The following ARHGAP36 variants were observed in gnomAD, a reference collection of about 807,000 sequenced individuals.
The protein encoded by ARHGAP36 is rho GTPase-activating protein 36.
Under a neutral mutation model 32.9 loss-of-function variants are expected in ARHGAP36, and 7 were observed. The ratio of observed to expected loss-of-function variants is 0.21; its 90% CI spans 0.12 to 0.40. The LOEUF is 0.40. Among genes scored for constraint, ARHGAP36 ranks in the 10% least tolerant of loss-of-function variants. The pLI is 1.00. For synonymous variants in ARHGAP36, 165 were observed against 168.3 expected, an observed-to-expected ratio of 0.98 and a Z score of 0.15; for missense variants, 383 against 442.2, an observed-to-expected ratio of 0.87 and a Z score of 1.20.
chrX:131,078,626 T>C (rs1466072745), intron 1 of ARHGAP36: 7 of 548,999 alleles, frequency 1.3e-5, no homozygotes, highest in Middle Eastern at 4.3e-4. Flanking sequence ...GCCTCTCTCA[T>C]AGTGCGAAAG....
At chrX:131,062,116 C>T (rs1206520049) in intron 1 of ARHGAP36, among the ~76,000 whole-genome samples, 1 of 111,873 alleles carries the variant, frequency 8.9e-6, no homozygotes, top group Non-Finnish European at 1.9e-5. Context: ...TGATATATCC[C>T]CTTATTAGAT....
rs941461541 is a variant in ARHGAP36 at position 131,081,911 on chromosome X, T to C, written c.246T>C (p.Pro82=). 8.3e-7 allele frequency: 1 copy of C among 1,209,703 alleles called. No individual in the cohort carries two copies. Among genetic ancestry groups the C allele is most frequent in the African/African-American group, 1.7e-5 (1 of 57,169 alleles). Residue 82 remains proline (P), a synonymous_variant, in exon 2 of 12, where the codon CCT becomes CCC. Transcript: ENST00000276211. ...VARHFLSEFK[P]DRALPIDRPN... ...GACATTTCCTCTCCGAATTCAAACCTGACAGAGGTAAGCTGTACCCCGGAT... is the reference window on the plus strand; with the variant it reads ...GACATTTCCTCTCCGAATTCAAACCCGACAGAGGTAAGCTGTACCCCGGAT...
intron 1 of ARHGAP36, chrX:131,078,752 C>G: frequency 3.1e-6 from 3 of 981,240 alleles, no homozygotes. Flanking sequence ...AGGTTGAAAG[C>G]AAGTAAGGCA....
chrX:131,080,737 T>G (rs760805942), intron 1 of ARHGAP36, among the ~76,000 whole-genome samples: 2 of 112,652 alleles, frequency 1.8e-5, no homozygotes, highest in African/African-American at 6.4e-5. Flanking sequence ...GTTTGTTGGT[T>G]TTGGTACAAA....
chrX:131,068,174 G>A (rs1397534226), intron 1 of ARHGAP36, among the ~76,000 whole-genome samples: 1 of 111,582 alleles, frequency 9.0e-6, no homozygotes, highest in Non-Finnish European at 1.9e-5. Context: ...AACGTGCTCC[G>A]CGCACACACC....
intron 1 of ARHGAP36, among the ~76,000 whole-genome samples, chrX:131,071,166 C>CAG (rs112542239): frequency 0.031 from 3,255 of 106,297 alleles, 135 homozygotes; most frequent in African/African-American, 0.1. Flanking sequence ...AGAGAGAAGA[C>CAG]AGAGAGAGAG....
rs755258357 is a variant in ARHGAP36 at position 131,086,635 on chromosome X, G to A, written c.1456G>A (p.Val486Ile). The A allele has an allele frequency of 1.7e-5, 21 of 1,210,293 alleles. No homozygotes were observed. The highest frequency in any genetic ancestry group is 2.3e-4 in the Middle Eastern group (1 of 4,375). Residue 486 changes from valine (V) to isoleucine (I), a missense_variant, in exon 11 of 12, where the codon GTC becomes ATC. This residue lies in a region of ARHGAP36 where 227 missense variants were observed against 311.3 expected (regional missense o/e 0.73). Coordinates refer to ENST00000276211, the MANE Select transcript of ARHGAP36 (RefSeq NM_144967.4). ...AACCTCTGCTGAAGCCCGGGCTGCT[G>A]TCCTTGCTCAAAGCAAGCCTTCTGA... ...VETSAEARAA[V>I]LAQSKPSDEG...
rs764918160 is a variant in ARHGAP36 at position 131,081,827 on chromosome X, C to T, written c.162C>T (p.Ser54=). ...GGACGAAGATGGTATCGATACACAG[C>T]CTCTCTGAGCTGGAGCGTCTGAAGC... ...DRRTKMVSIH[S]LSELERLKLQ... The change falls in exon 2 of 12, where the codon AGC becomes AGT. Residue 54 remains serine (S), a synonymous_variant. Coordinates refer to ENST00000276211, the MANE Select transcript of ARHGAP36 (RefSeq NM_144967.4). 3.1e-5 allele frequency: 38 copies of T among 1,210,571 alleles called. No homozygotes were observed. Among genetic ancestry groups the T allele is most frequent in the Non-Finnish European group, 4.2e-5 (38 of 895,378 alleles).
At chrX:131,067,948 G>A (rs959888417) in intron 1 of ARHGAP36, among the ~76,000 whole-genome samples, 21 of 110,661 alleles carry the variant, frequency 1.9e-4, no homozygotes, top group African/African-American at 6.9e-4. Flanking sequence ...AAGCTTCAAC[G>A]GGCACACACA....
At chrX:131,067,176 C>T (rs773398877) in intron 1 of ARHGAP36, among the ~76,000 whole-genome samples, 20 of 112,082 alleles carry the variant, frequency 1.8e-4, no homozygotes, top group Non-Finnish European at 3.6e-4. Context: ...GTCACAAGGC[C>T]CAAGGGGAAA....
Position 131,081,653 on chromosome X carries a change from A to G in ARHGAP36, c.-13A>G, listed in dbSNP as rs1234303023. The G allele has an allele frequency of 8.4e-7, 1 of 1,195,158 alleles. No homozygotes were observed. Among genetic ancestry groups the G allele is most frequent in the East Asian group, 3.0e-5 (1 of 32,857 alleles). ...ATTGGATGATGCAGCCTTGATAATC[A>G]TCCGATTCCAGAATGGGTGGCTGCA... On this transcript the variant is annotated 5_prime_UTR_variant, in exon 2 of 12. Transcript: ENST00000276211.
chrX:131,078,661 A>T, intron 1 of ARHGAP36: 2 of 452,653 alleles, frequency 4.4e-6, no homozygotes, highest in Non-Finnish European at 6.8e-6. Flanking sequence ...CCCCCTCCCC[A>T]CCCCACCCAT....
chrX:131,078,666 A>AC, intron 1 of ARHGAP36: 12 of 572,707 alleles, frequency 2.1e-5, no homozygotes, highest in Non-Finnish European at 2.8e-5. Context: ...TCCCCACCCC[A>AC]CCCATCTGCT....
At chrX:131,064,324 G>A (rs2079685797) in intron 1 of ARHGAP36, among the ~76,000 whole-genome samples, 1 of 111,124 alleles carries the variant, frequency 9.0e-6, no homozygotes, top group Non-Finnish European at 1.9e-5. Context: ...CAGTTCTTCC[G>A]GGGCTGCATT....
chrX:131,076,151 G>A (rs181558488), intron 1 of ARHGAP36, among the ~76,000 whole-genome samples: 107 of 111,985 alleles, frequency 9.6e-4, no homozygotes, highest in Admixed American at 2.9e-3. Context: ...GAGATAATGG[G>A]CATATGGAAA....
At chrX:131,079,562 G>GTTTTTTTTTTTTTT (rs11417328) in intron 1 of ARHGAP36, among the ~76,000 whole-genome samples, 1 of 93,137 alleles carries the variant, frequency 1.1e-5, no homozygotes. Context: ...TTTGTTTTTT[G>GTTTTTTTTTTTTTT]TTTTTTTTTT....
Position 131,083,945 on chromosome X carries a change from G to C in ARHGAP36, c.531G>C (p.Arg177=). ...GGCGGAATGAGCCCACCTTGCCCCG[G>C]GAGTTCACTCGCCGTGGGCGTCGAG... The part of the protein sequence containing the change: ...SRRRNEPTLP[R]EFTRRGRRGA... Residue 177 remains arginine, a synonymous_variant, in exon 4 of 12, where the codon CGG becomes CGC. Coordinates refer to ENST00000276211, the MANE Select transcript of ARHGAP36 (RefSeq NM_144967.4). 1 of 1,211,658 alleles carries C rather than the reference G, an allele frequency of 8.3e-7. No homozygotes were observed. The highest frequency in any genetic ancestry group is 1.1e-6 in the Non-Finnish European group (1 of 895,526).
chrX:131,061,119 T>C (rs1240124171), intron 1 of ARHGAP36, among the ~76,000 whole-genome samples: 1 of 110,119 alleles, frequency 9.1e-6, no homozygotes, highest in Non-Finnish European at 1.9e-5. Flanking sequence ...ATAGCTGGCA[T>C]GTGACAGCAA....
intron 1 of ARHGAP36, among the ~76,000 whole-genome samples, chrX:131,063,640 A>G (rs912802893): frequency 9.0e-6 from 1 of 110,765 alleles, no homozygotes; most frequent in African/African-American, 3.3e-5. Flanking sequence ...GACCTCTCAG[A>G]GCTTTTCCTG....
Sources: gnomAD v4.1 joint callset for allele counts (sites outside exome capture counted in the v4.1 genomes callset) on GRCh38, gnomAD v4.1.1 for gene constraint, gnomAD v4.1.1 regional missense constraint, MANE v1.5 for transcripts, NCBI Gene and HGNC (gene_info 2026-07-23, HGNC 2026-07-21) for gene names.